The following ZNF75A variants were observed in gnomAD, a reference collection of about 807,000 sequenced individuals.
ZNF75A encodes the protein zinc finger protein 75A.
ZNF75A carries 36 observed loss-of-function variants against 46.3 expected under a neutral mutation model. That is an observed-to-expected ratio of 0.78 (90% CI 0.60 to 1.03). The LOEUF is 1.03. Ranked by LOEUF, ZNF75A falls within the 50% of genes least tolerant of loss-of-function variation. The probability of loss-of-function intolerance (pLI) is 0.00; values close to 1 mark genes in which losing one functional copy is unlikely to be tolerated. For synonymous variants in ZNF75A, 234 were observed against 189.9 expected (o/e 1.23, Z -1.91); for missense variants, 595 against 551.3 (o/e 1.08, Z -0.79).
intron 3 of ZNF75A, chr16:3,312,414 T>C (rs1960879022): frequency 1.3e-5 from 2 of 152,288 alleles, no homozygotes; most frequent in South Asian, 4.1e-4. Context: ...AATTTTTGCC[T>C]AACTCAGAAA....
intron 5 of ZNF75A, 29 bp downstream of exon 5, chr16:3,313,204 T>C (rs532701789): frequency 4.4e-6 from 7 of 1,608,114 alleles, no homozygotes; most frequent in South Asian, 2.2e-5. Context: ...CTTTATGTAG[T>C]TGAGTACTCT....
At chr16:3,310,941 C>A in intron 2 of ZNF75A, 1 of 985,488 alleles carries the variant, frequency 1.0e-6, no homozygotes, top group Non-Finnish European at 1.2e-6. Flanking sequence ...TCAGAATCAT[C>A]TGGAGGTAGG....
chr16:3,316,880 C>T (rs755321441), intron 5 of ZNF75A, 32 bp from the exon 6 acceptor site: 38 of 1,475,652 alleles, frequency 2.6e-5, no homozygotes, highest in Non-Finnish European at 3.0e-5. Context: ...GTTAAGTTAC[C>T]AGTCCTTGAC....
At chr16:3,307,381 T>A (rs560799869) in intron 1 of ZNF75A, 1 of 152,254 alleles carries the variant, frequency 6.6e-6, no homozygotes, top group African/African-American at 2.4e-5. Context: ...TTGGGGGTTT[T>A]AGGTATTCAC....
intron 5 of ZNF75A, chr16:3,316,029 C>T (rs1961180891): frequency 6.6e-6 from 1 of 152,224 alleles, no homozygotes. Flanking sequence ...TAGGTTTCTG[C>T]TCAAGTATTA....
rs548219358 is a variant in ZNF75A at position 3,317,356 on chromosome 16, C to G, written c.1101C>G (p.His367Gln). ...HFDMHRVGKW[H>Q]QDFPVKKRKK... ...ATATGCACAGAGTGGGAAAATGGCA[C>G]CAAGATTTTCCAGTGAAGAAAAGAA... is the stretch of plus-strand genomic sequence containing the variant. Residue 367 changes from histidine to glutamine, a missense_variant, in exon 7 of 7, where the codon CAC becomes CAG. By Grantham distance (24) the His-to-Gln change is conservative. Transcript: ENST00000669516. 6.2e-7 allele frequency: 1 copy of G among 1,613,882 alleles called. No homozygotes were observed. The highest frequency in any genetic ancestry group is 8.5e-7 in the Non-Finnish European group (1 of 1,180,012).
At chr16:3,320,745 C>G (rs1381070010), downstream of ZNF75A, among the ~76,000 whole-genome samples, 1 of 152,144 alleles carries the variant, frequency 6.6e-6, no homozygotes, top group African/African-American at 2.4e-5. Context: ...CATATGCATG[C>G]AGGAGATTTC....
chr16:3,316,949 T>C lies in ZNF75A; in HGVS notation c.861T>C (p.Cys287=). ...FVLPKPKVIS[C]LEQGEEPWVQ... ...TCCCCAAACCTAAAGTGATCTCCTG[T>C]CTAGAGCAAGGGGAAGAGCCATGGG... The change falls in exon 6 of 7, where the codon TGT becomes TGC. Residue 287 remains cysteine (C), a synonymous_variant. Coordinates refer to ENST00000669516, the MANE Select transcript of ZNF75A (RefSeq NM_001302109.2). 1.2e-6 allele frequency: 2 copies of C among 1,613,956 alleles called. No homozygotes were observed. Among genetic ancestry groups the C allele is most frequent in the Non-Finnish European group, 1.7e-6 (2 of 1,179,944 alleles).
At chr16:3,306,806 A>T (rs956007079) in intron 1 of ZNF75A, 1 of 151,924 alleles carries the variant, frequency 6.6e-6, no homozygotes, top group Non-Finnish European at 1.5e-5. Context: ...CTTGGGAGAC[A>T]TTGTCTGAAA....
chr16:3,310,806 C>G (rs1412398643), intron 2 of ZNF75A: 36 of 985,492 alleles, frequency 3.7e-5, no homozygotes, highest in Non-Finnish European at 4.2e-5. Context: ...TACTGCCTTC[C>G]CTTAATGCTT....
intron 3 of ZNF75A, chr16:3,312,269 G>C (rs1001176199): frequency 1.3e-5 from 2 of 152,200 alleles, no homozygotes; most frequent in African/African-American, 4.8e-5. Flanking sequence ...AATACAGAAG[G>C]AATTGAGATC....
chr16:3,317,438 G>A lies in ZNF75A; in HGVS notation c.1183G>A (p.Asp395Asn), dbSNP rs760892490. 6.2e-7 allele frequency: 1 copy of A among 1,614,170 alleles called. No homozygotes were observed. The highest frequency in any genetic ancestry group is 8.5e-7 in the Non-Finnish European group (1 of 1,180,030). ...CAAACTTATGGATCGTCACAAGAAA[G>A]ATTGTGCAAGAGAGAAGCCTTTTAA... The part of the protein sequence containing the change: ...LLKLMDRHKK[D>N]CAREKPFKCQ... Residue 395 changes from aspartate to asparagine, a missense_variant, in exon 7 of 7, where the codon GAT becomes AAT. Physicochemically the swap from Asp to Asn is conservative, Grantham distance 23 (BLOSUM62 1). Coordinates refer to ENST00000669516, the MANE Select transcript of ZNF75A (RefSeq NM_001302109.2).
rs758799962 is a variant in ZNF75A, at chr16:3,313,096, A to T, written c.744A>T (p.Glu248Asp). Residue 248 changes from glutamate to aspartate, a missense_variant, in exon 5 of 7, where the codon GAA becomes GAT. Transcript: ENST00000669516. ...EEVAMYFSQE[E>D]WELLDPTQKA... Reference sequence around the variant, plus strand: ...TGGCCATGTATTTTTCCCAGGAAGAATGGGAGTTATTGGATCCCACTCAGA... The same window carrying T: ...TGGCCATGTATTTTTCCCAGGAAGATTGGGAGTTATTGGATCCCACTCAGA... 2 of 1,613,930 alleles carry T rather than the reference A, an allele frequency of 1.2e-6. No homozygotes were observed. Among genetic ancestry groups the T allele is most frequent in the Non-Finnish European group, 8.5e-7 (1 of 1,179,874 alleles).
chr16:3,315,592 CAT>C (rs2150824412), intron 5 of ZNF75A, among the ~76,000 whole-genome samples: 2 of 152,280 alleles, frequency 1.3e-5, no homozygotes, highest in African/African-American at 4.8e-5. Context: ...TGACTGCAAC[CAT>C]GTTTCAGCCC....
At position 3,317,257 on chromosome 16, in the gene ZNF75A, A is replaced by G. The variant is rs751085968; in HGVS notation, c.1002A>G (p.Ala334=). 1 of 1,614,142 alleles carries G rather than the reference A, an allele frequency of 6.2e-7. No individual in the cohort carries two copies. The highest frequency in any genetic ancestry group is 1.3e-5 in the African/African-American group (1 of 75,052). ...PVSLSDLEIQ[A]SAGVISKKAK... is the part of the protein sequence containing the mutation. ...CTCTTTCTGACTTAGAAATACAAGC[A>G]TCAGCAGGCGTCATATCAAAAAAGG... Residue 334 remains alanine (A), a synonymous_variant, in exon 7 of 7, where the codon GCA becomes GCG. Coordinates refer to ENST00000669516, the MANE Select transcript of ZNF75A (RefSeq NM_001302109.2).
At position 3,311,751 on chromosome 16, in the gene ZNF75A, A is replaced by G. The variant is rs1960817951; in HGVS notation, c.409-2A>G. ...GGTAACAAGGATGGGAATTATTTCT[A>G]GGTTGCAGTCCATGAGCTGGGAAAG... On this transcript the variant is annotated splice_acceptor_variant, in intron 2 of 6. Transcript: ENST00000669516. LOFTEE classifies it high-confidence loss of function. 1 of 1,049,620 alleles carries G rather than the reference A, an allele frequency of 9.5e-7. No homozygotes were observed. The highest frequency in any genetic ancestry group is 1.2e-6 in the Non-Finnish European group (1 of 862,668). The allele number at this position is 1,049,620 out of a possible 1,614,324, so 65.0% of individuals were successfully genotyped here. A position where few individuals can be genotyped will look rare whatever the true frequency, so the allele number is the denominator to read the frequency against.
At chr16:3,305,946 A>C (rs1199551564) in intron 1 of ZNF75A, 1 of 152,260 alleles carries the variant, frequency 6.6e-6, no homozygotes, top group Admixed American at 6.5e-5. Context: ...CAGTGCCTGC[A>C]GCTGCGCCCG....
At position 3,312,711 on chromosome 16, in the gene ZNF75A, GCAAA is replaced by G. The variant is rs1960903985; in HGVS notation, c.646_649del (p.Asn216ProfsTer6). 3.9e-6 allele frequency: 4 copies of G among 1,019,506 alleles called. No individual in the cohort carries two copies. The highest frequency in any genetic ancestry group is 4.7e-6 in the Non-Finnish European group (4 of 851,078). 63.2% of individuals were successfully genotyped at this position (1,019,506 alleles called of 1,614,324 possible). A position where few individuals can be genotyped will look rare whatever the true frequency, so the allele number is the denominator to read the frequency against. On this transcript the variant is annotated frameshift_variant, in exon 4 of 7. Coordinates refer to ENST00000669516, the MANE Select transcript of ZNF75A (RefSeq NM_001302109.2). LOFTEE classifies it high-confidence loss of function. ...CTCAACAGATTCTAGCTTTTCCTGA[GCAAA>G]CAAACACCAAAGACTGGACAGTGAC...
chr16:3,315,371 T>C (rs900132607), intron 5 of ZNF75A, among the ~76,000 whole-genome samples: 25 of 151,814 alleles, frequency 1.6e-4, no homozygotes, highest in African/African-American at 5.6e-4. Context: ...TTTTTTGTAT[T>C]TTTTTAGTAG....
Sources: gnomAD v4.1 joint callset for allele counts (sites outside exome capture counted in the v4.1 genomes callset) on GRCh38, gnomAD v4.1.1 for gene constraint, MANE v1.5 for transcripts, NCBI Gene and HGNC (gene_info 2026-07-23, HGNC 2026-07-21) for gene names.